DNAJC1: variants seen among roughly 807,000 people sequenced by gnomAD.
DNAJC1 encodes the protein dnaJ homolog subfamily C member 1.
Under a neutral mutation model 76.6 loss-of-function variants are expected in DNAJC1, and 58 were observed. That is an observed-to-expected ratio of 0.76 (90% CI 0.61 to 0.94). The LOEUF is 0.94. Ranked by LOEUF, DNAJC1 falls within the 40% of genes least tolerant of loss-of-function variation. The probability of loss-of-function intolerance (pLI) is 0.00; values close to 1 mark genes in which losing one functional copy is unlikely to be tolerated. For missense variants in DNAJC1, 689 were observed against 677.3 expected (o/e 1.02, Z -0.19); for synonymous variants, 258 against 267.9 (o/e 0.96, Z 0.36).
chr10:21,845,950 G>C (rs1329479438), intron 8 of DNAJC1, among the ~76,000 whole-genome samples: 1 of 152,104 alleles, frequency 6.6e-6, no homozygotes, highest in Non-Finnish European at 1.5e-5. Context: ...TTCAGCTTCA[G>C]ATTTCCTTAA....
intron 8 of DNAJC1, among the ~76,000 whole-genome samples, chr10:21,861,740 G>A (rs1835918233): frequency 6.7e-6 from 1 of 150,088 alleles, no homozygotes; most frequent in South Asian, 2.1e-4. Context: ...GTTTACAAAT[G>A]CCATGGTAAC....
At chr10:21,984,645 G>C (rs992864641) in intron 1 of DNAJC1, among the ~76,000 whole-genome samples, 9 of 152,114 alleles carry the variant, frequency 5.9e-5, no homozygotes, top group Non-Finnish European at 8.8e-5. Context: ...TGATTAGTCT[G>C]CCATATATAT....
chr10:21,858,958 A>G (rs557257636), intron 8 of DNAJC1, among the ~76,000 whole-genome samples: 95 of 152,342 alleles, frequency 6.2e-4, no homozygotes, highest in Non-Finnish European at 1.1e-3. Flanking sequence ...AAAATATTTA[A>G]CTACATTGTT....
chr10:21,908,488 A>G (rs1268763467), intron 6 of DNAJC1, among the ~76,000 whole-genome samples: 1 of 48,338 alleles, frequency 2.1e-5, no homozygotes, highest in Non-Finnish European at 3.5e-5. Context: ...CCCATTTTTC[A>G]TGGGGGGGGG....
intron 1 of DNAJC1, among the ~76,000 whole-genome samples, chr10:21,974,287 T>C (rs1838029167): frequency 6.6e-6 from 1 of 152,088 alleles, no homozygotes; most frequent in Non-Finnish European, 1.5e-5. Context: ...AATGTAGAAG[T>C]CTGACTAGAA....
chr10:21,875,574 G>A (rs1187538808), intron 8 of DNAJC1, among the ~76,000 whole-genome samples: 1 of 152,170 alleles, frequency 6.6e-6, no homozygotes, highest in South Asian at 2.1e-4. Flanking sequence ...ATATTGTATT[G>A]GAGATTCTAA....
At chr10:21,838,284 ATTC>A (rs1426485201) in intron 8 of DNAJC1, among the ~76,000 whole-genome samples, 1 of 152,240 alleles carries the variant, frequency 6.6e-6, no homozygotes, top group Admixed American at 6.5e-5. Context: ...ACTAAGAAAA[ATTC>A]TTCTGCCTTG....
At chr10:21,954,827 G>A (rs945684670) in intron 1 of DNAJC1, among the ~76,000 whole-genome samples, 1 of 152,082 alleles carries the variant, frequency 6.6e-6, no homozygotes, top group Non-Finnish European at 1.5e-5. Context: ...AATATAATGA[G>A]GAAACTGGGC....
chr10:21,921,128 A>G (rs995601321), intron 3 of DNAJC1, among the ~76,000 whole-genome samples, 165 bp from the exon 4 acceptor site: 2 of 152,064 alleles, frequency 1.3e-5, no homozygotes, highest in African/African-American at 4.8e-5. Context: ...AAAGCACTGT[A>G]GATAGCTCTA....
intron 3 of DNAJC1, among the ~76,000 whole-genome samples, chr10:21,928,242 T>C (rs1004134609): frequency 2.6e-5 from 4 of 152,164 alleles, no homozygotes; most frequent in Non-Finnish European, 5.9e-5. Flanking sequence ...TAAACACTCA[T>C]GTTAAAAGTC....
In DNAJC1 at chr10:21,778,992, T is replaced by C. The variant is rs374165257; in HGVS notation, c.1099-12683A>G. Among the ~76,000 whole-genome samples the C allele has an allele frequency of 2.6e-5, 4 of 152,314 alleles. No homozygotes were observed. In the East Asian group the frequency reaches 5.8e-4, roughly 22 times the overall value. On this transcript the variant is annotated intron_variant, in intron 9 of 11. Transcript: ENST00000376980. ...CGGTCCCACGCCCATGGAGCCTCGCTCATCGCTAGCACAGCGGTCTGAGAT... is the reference window on the plus strand; with the variant it reads ...CGGTCCCACGCCCATGGAGCCTCGCCCATCGCTAGCACAGCGGTCTGAGAT...
rs548061818 is a variant in DNAJC1, at chr10:21,879,469, C to T, written c.978+2813G>A. ...TGAAACCCCATCTCTACCAAAAGTA[C>T]AAAAATCAGCAGGGCGTGATTGCGC... is the stretch of plus-strand genomic sequence containing the variant. On this transcript the variant is annotated intron_variant, in intron 8 of 11. Coordinates refer to ENST00000376980, the MANE Select transcript of DNAJC1 (RefSeq NM_022365.4). Among the ~76,000 whole-genome samples the T allele has an allele frequency of 1.9e-4, 29 of 152,072 alleles. No homozygotes were observed. The South Asian group carries it at 5.2e-3, about 27-fold the overall frequency.
At chr10:21,948,600 AT>A (rs1223374198) in intron 1 of DNAJC1, among the ~76,000 whole-genome samples, 3 of 152,206 alleles carry the variant, frequency 2.0e-5, no homozygotes, top group African/African-American at 7.2e-5. Context: ...CAAAAGAGAG[AT>A]CATATTCACG....
chr10:21,982,061 T>C (rs1472379558), intron 1 of DNAJC1, among the ~76,000 whole-genome samples: 1 of 152,160 alleles, frequency 6.6e-6, no homozygotes. Flanking sequence ...CCTCTAATCT[T>C]CCATCCACTG....
Position 21,929,033 on chromosome 10 carries a change from CACTT to C in DNAJC1, c.324+3_324+6del, listed in dbSNP as rs1170613717. On this transcript the variant is annotated splice_donor_5th_base_variant and intron_variant, in intron 2 of 11. Transcript: ENST00000376980. ...AAAATATATATATAATAGCATATTT[CACTT>C]ACTTGTCTAAACTGAGTTTCTGCAT... 4.5e-6 allele frequency: 7 copies of C among 1,556,666 alleles called. No homozygotes were observed. The highest frequency in any genetic ancestry group is 1.1e-5 in the South Asian group (1 of 87,776).
chr10:21,987,317 T>G (rs572279223), intron 1 of DNAJC1, among the ~76,000 whole-genome samples: 1 of 152,330 alleles, frequency 6.6e-6, no homozygotes, highest in South Asian at 2.1e-4. Context: ...AGTACAGCTC[T>G]AAACCTTTAA....
intron 8 of DNAJC1, among the ~76,000 whole-genome samples, chr10:21,864,850 C>T (rs537407038): frequency 4.6e-5 from 7 of 152,014 alleles, no homozygotes; most frequent in Non-Finnish European, 8.8e-5. Flanking sequence ...GAACACAGCA[C>T]GTCTATCTGA....
intron 8 of DNAJC1, among the ~76,000 whole-genome samples, chr10:21,835,156 G>A (rs947395891): frequency 2.6e-5 from 4 of 152,216 alleles, no homozygotes; most frequent in Admixed American, 6.5e-5. Context: ...AGACAGCAGC[G>A]TCTGGGGTTC....
intron 1 of DNAJC1, among the ~76,000 whole-genome samples, chr10:21,984,553 C>G (rs994522468): frequency 6.6e-5 from 10 of 152,166 alleles, no homozygotes; most frequent in Admixed American, 2.0e-4. Context: ...CCACCACTAC[C>G]TGTAAAGAAG....
Sources: gnomAD v4.1 joint callset for allele counts (sites outside exome capture counted in the v4.1 genomes callset) on GRCh38, gnomAD v4.1.1 for gene constraint, MANE v1.5 for transcripts, NCBI Gene and HGNC (gene_info 2026-07-23, HGNC 2026-07-21) for gene names.